The following NOS1AP variants were observed in gnomAD, a reference collection of about 807,000 sequenced individuals.
NOS1AP encodes the protein carboxyl-terminal PDZ ligand of neuronal nitric oxide synthase protein.
Under a neutral mutation model 56.2 loss-of-function variants are expected in NOS1AP, and 21 were observed. The observed-to-expected ratio is 0.37, with a 90% CI of 0.26 to 0.54. The LOEUF is 0.54. Ranked by LOEUF, NOS1AP falls within the 20% of genes least tolerant of loss-of-function variation. NOS1AP has a pLI of 0.84. For synonymous variants in NOS1AP, 270 were observed against 274.6 expected, an observed-to-expected ratio of 0.98 and a Z score of 0.17; for missense variants, 522 against 657.8, an observed-to-expected ratio of 0.79 and a Z score of 2.26.
intron 2 of NOS1AP, among the ~76,000 whole-genome samples, chr1:162,251,382 A>C (rs1258586534): frequency 6.6e-6 from 1 of 152,104 alleles, no homozygotes; most frequent in Non-Finnish European, 1.5e-5. Flanking sequence ...TGTCATTATG[A>C]GTCAACGTTT....
At chr1:162,273,152 C>A (rs1218984716) in intron 2 of NOS1AP, among the ~76,000 whole-genome samples, 1 of 141,182 alleles carries the variant, frequency 7.1e-6, no homozygotes, top group East Asian at 2.1e-4. Flanking sequence ...ACTCTGGAAG[C>A]CCTTGTTCTT....
intron 1 of NOS1AP, among the ~76,000 whole-genome samples, chr1:162,072,757 A>T (rs778711545): frequency 1.3e-5 from 2 of 152,216 alleles, no homozygotes; most frequent in African/African-American, 4.8e-5. Context: ...TCTGTCCTAC[A>T]TGCTCCTGGT....
chr1:162,361,848 T>G, intron 8 of NOS1AP, among the ~76,000 whole-genome samples: 1 of 152,222 alleles, frequency 6.6e-6, no homozygotes, highest in East Asian at 1.9e-4. Context: ...TCCTGGCTTC[T>G]GTAAGAGGGG....
chr1:162,115,099 A>AT (rs1407483546), intron 1 of NOS1AP, among the ~76,000 whole-genome samples: 1 of 152,226 alleles, frequency 6.6e-6, no homozygotes, highest in African/African-American at 2.4e-5. Context: ...CCAAGTAAGC[A>AT]TTGTTCTAGG....
At chr1:162,365,120 G>T (rs1658035202) in intron 8 of NOS1AP, 1 of 1,380,976 alleles carries the variant, frequency 7.2e-7, no homozygotes, top group Non-Finnish European at 9.4e-7. Context: ...GGTCTAGAGG[G>T]TCGATGGCTC....
chr1:162,134,124 C>A (rs1648877015), intron 1 of NOS1AP, among the ~76,000 whole-genome samples: 1 of 152,146 alleles, frequency 6.6e-6, no homozygotes, highest in Non-Finnish European at 1.5e-5. Context: ...AAAGCTAAGA[C>A]ACTATTTATG....
At chr1:162,139,145 C>T (rs1007049304) in intron 1 of NOS1AP, among the ~76,000 whole-genome samples, 3 of 152,204 alleles carry the variant, frequency 2.0e-5, no homozygotes, top group Middle Eastern at 3.4e-3. Context: ...CCTCTTAGCC[C>T]ATCCCGGGTT....
chr1:162,312,514 T>G (rs1160576898), intron 4 of NOS1AP, among the ~76,000 whole-genome samples: 1 of 136,652 alleles, frequency 7.3e-6, no homozygotes, highest in African/African-American at 2.8e-5. Flanking sequence ...TTGTGAAAAT[T>G]TTCTCCCATT....
intron 2 of NOS1AP, among the ~76,000 whole-genome samples, chr1:162,228,351 AT>A (rs1389056249): frequency 6.6e-6 from 1 of 152,266 alleles, no homozygotes; most frequent in Non-Finnish European, 1.5e-5. Flanking sequence ...TCCTTGGAGA[AT>A]ACCGTGGCAT....
chr1:162,252,106 C>A (rs556880385), intron 2 of NOS1AP, among the ~76,000 whole-genome samples: 1 of 152,140 alleles, frequency 6.6e-6, no homozygotes, highest in South Asian at 2.1e-4. Flanking sequence ...GTGGTGCAAT[C>A]TTGGCTTACT....
chr1:162,088,766 A>G (rs1354265121), intron 1 of NOS1AP, among the ~76,000 whole-genome samples: 2 of 152,134 alleles, frequency 1.3e-5, no homozygotes, highest in African/African-American at 2.4e-5. Flanking sequence ...CTGTAGGTCA[A>G]AGGCCTCCTC....
chr1:162,104,073 C>T (rs1647406108), intron 1 of NOS1AP, among the ~76,000 whole-genome samples: 1 of 152,200 alleles, frequency 6.6e-6, no homozygotes, highest in Non-Finnish European at 1.5e-5. Context: ...TTTAGTGCTT[C>T]CTTCAGGAGC....
chr1:162,339,441 G>C (rs991288630), intron 5 of NOS1AP, among the ~76,000 whole-genome samples: 12 of 151,444 alleles, frequency 7.9e-5, no homozygotes, highest in Admixed American at 3.9e-4. Context: ...AGAATGGCCA[G>C]ATTTTGGAAC....
rs1028551467 is a variant in NOS1AP at position 162,369,401 on chromosome 1, T to C, written c.*1934T>C. ...CTAGCTTATGAAATCTAACCCAGGG[T>C]TCCCTGAGTCCAAGACCACTTAGAT... is the stretch of plus-strand genomic sequence containing the variant. On this transcript the variant is annotated 3_prime_UTR_variant, in exon 10 of 10. Coordinates refer to ENST00000361897, the MANE Select transcript of NOS1AP (RefSeq NM_014697.3). 4.3e-4 allele frequency: 66 copies of C among 152,216 alleles called. No individual in the cohort carries two copies. The highest frequency in any genetic ancestry group is 1.5e-3 in the African/African-American group (62 of 41,534). 9.4% of individuals were successfully genotyped at this position (152,216 alleles called of 1,614,324 possible).
chr1:162,357,741 T>A (rs1657748054), intron 8 of NOS1AP, among the ~76,000 whole-genome samples: 1 of 152,014 alleles, frequency 6.6e-6, no homozygotes, highest in Non-Finnish European at 1.5e-5. Context: ...TTGGCTTAGA[T>A]CTCAGAATCA....
At chr1:162,313,546 G>C (rs574838155) in intron 4 of NOS1AP, among the ~76,000 whole-genome samples, 1 of 152,316 alleles carries the variant, frequency 6.6e-6, no homozygotes, top group South Asian at 2.1e-4. Flanking sequence ...CAAAGTGAAA[G>C]TGATATTTTA....
chr1:162,138,002 A>T lies in NOS1AP; in HGVS notation c.106-16403A>T, dbSNP rs77346477. 1.9e-3 allele frequency among the ~76,000 whole-genome samples: 292 copies of T among 152,266 alleles called. 3 individuals carry two copies. Among genetic ancestry groups the T allele is most frequent in the Non-Finnish European group, 3.3e-3 (227 of 68,020 alleles). ...TGTGGTCAGTGAAGCCACTGTCAGTACCTCACATTAAATGTTAAATGTAAC... is the reference window on the plus strand; with the variant it reads ...TGTGGTCAGTGAAGCCACTGTCAGTTCCTCACATTAAATGTTAAATGTAAC... On this transcript the variant is annotated intron_variant, in intron 1 of 9. Coordinates refer to ENST00000361897, the MANE Select transcript of NOS1AP (RefSeq NM_014697.3).
At position 162,261,518 on chromosome 1, in the gene NOS1AP, GAGAGAGAGAGAGAGAGAGAGA is replaced by G. The variant is rs1654230394; in HGVS notation, c.178-25825_178-25805del. Among the ~76,000 whole-genome samples, 3 of 29,444 alleles carry G rather than the reference GAGAGAGAGAGAGAGAGAGAGA, an allele frequency of 1.0e-4. 1 individual carries two copies. Among genetic ancestry groups the G allele is most frequent in the Admixed American group, 7.5e-4 (3 of 3,982 alleles). 19.3% of individuals were successfully genotyped at this position (29,444 alleles called of 152,430 possible). On this transcript the variant is annotated intron_variant, in intron 2 of 9. Transcript: ENST00000361897. Reference sequence around the variant, plus strand: ...AGAGAGAGAGAGAGAGAGAGAGAGAGAGAGAGAGAGAGAGAGAGAGAGAGAGAGCAATGAAATGACTGGAAC... The same window carrying G: ...AGAGAGAGAGAGAGAGAGAGAGAGAGGAGAGAGCAATGAAATGACTGGAAC...
chr1:162,195,756 A>C (rs1019494954), intron 2 of NOS1AP, among the ~76,000 whole-genome samples: 5 of 152,062 alleles, frequency 3.3e-5, no homozygotes, highest in African/African-American at 1.2e-4. Flanking sequence ...TCTATGACGC[A>C]TACCCTAATC....
Sources: allele counts gnomAD v4.1 joint callset (sites outside exome capture counted in the v4.1 genomes callset), GRCh38; gene constraint gnomAD v4.1.1; transcripts MANE v1.5; gene names NCBI Gene and HGNC (gene_info 2026-07-23, HGNC 2026-07-21).